Variants in CAMTA1 observed in about 807,000 individuals in gnomAD.
CAMTA1 encodes the protein calmodulin-binding transcription activator 1.
A neutral mutation model predicts 170.9 loss-of-function variants in CAMTA1; 27 were observed. That is an observed-to-expected ratio of 0.16 (90% CI 0.12 to 0.22). The LOEUF (loss-of-function observed/expected upper bound fraction) is 0.22. Among genes scored for constraint, CAMTA1 ranks in the 10% least tolerant of loss-of-function variants. CAMTA1 has a pLI of 1.00. For synonymous variants in CAMTA1, 833 were observed against 891.5 expected (o/e 0.93, Z 1.17); for missense variants, 1,619 against 2,217.2 (o/e 0.73, Z 5.42).
At chr1:7,364,721 T>C (rs2085831270) in intron 5 of CAMTA1, among the ~76,000 whole-genome samples, 4 of 151,844 alleles carry the variant, frequency 2.6e-5, no homozygotes, top group Admixed American at 2.6e-4. Flanking sequence ...TGGGAGAGGG[T>C]ATCCCAGTGT....
At chr1:7,028,192 A>G (rs1321472962) in intron 3 of CAMTA1, among the ~76,000 whole-genome samples, 1 of 152,204 alleles carries the variant, frequency 6.6e-6, no homozygotes, top group Non-Finnish European at 1.5e-5. Flanking sequence ...GGCGTGTGCC[A>G]CTGCCTGAAA....
intron 6 of CAMTA1, among the ~76,000 whole-genome samples, chr1:7,483,586 AG>A (rs1250531214): frequency 2.0e-5 from 3 of 152,316 alleles, no homozygotes; most frequent in South Asian, 2.1e-4. Flanking sequence ...GAACCAGAGC[AG>A]GGGCTGGAGG....
At chr1:7,265,454 C>T (rs1668775330) in intron 5 of CAMTA1, among the ~76,000 whole-genome samples, 1 of 152,086 alleles carries the variant, frequency 6.6e-6, no homozygotes, top group Non-Finnish European at 1.5e-5. Context: ...ACTGGGATTA[C>T]AGGCACCTGC....
intron 3 of CAMTA1, among the ~76,000 whole-genome samples, chr1:6,830,939 C>G (rs1649791896): frequency 6.6e-6 from 1 of 152,098 alleles, no homozygotes; most frequent in African/African-American, 2.4e-5. Context: ...CTGCCTTAGC[C>G]TCCTGAGTAG....
At chr1:7,098,906 A>T (rs1642403768) in intron 4 of CAMTA1, among the ~76,000 whole-genome samples, 1 of 151,392 alleles carries the variant, frequency 6.6e-6, no homozygotes, top group African/African-American at 2.4e-5. Flanking sequence ...CCTCCATCCC[A>T]CCCCTCCTCA....
intron 6 of CAMTA1, among the ~76,000 whole-genome samples, chr1:7,468,480 G>C (rs1216369993): frequency 3.3e-5 from 5 of 152,218 alleles, no homozygotes; most frequent in Non-Finnish European, 5.9e-5. Flanking sequence ...CATGGTGTTT[G>C]TGCACAGCGT....
intron 5 of CAMTA1, among the ~76,000 whole-genome samples, chr1:7,359,848 G>T (rs1386032000): frequency 6.6e-6 from 1 of 152,178 alleles, no homozygotes; most frequent in Non-Finnish European, 1.5e-5. Context: ...GAGCTAGTGG[G>T]TTGGTTTGCT....
intron 5 of CAMTA1, among the ~76,000 whole-genome samples, chr1:7,393,630 G>GTA (rs1171189836): frequency 6.6e-6 from 1 of 152,024 alleles, no homozygotes; most frequent in African/African-American, 2.4e-5. Flanking sequence ...TTTGACACAT[G>GTA]TATACATTGT....
intron 6 of CAMTA1, among the ~76,000 whole-genome samples, chr1:7,637,831 A>G (rs2095725848): frequency 6.6e-6 from 1 of 152,218 alleles, no homozygotes; most frequent in African/African-American, 2.4e-5. Context: ...TAGCAGGGGC[A>G]CCGAATAAGA....
intron 19 of CAMTA1, among the ~76,000 whole-genome samples, chr1:7,750,013 G>A (rs941695670): frequency 2.0e-5 from 3 of 152,178 alleles, no homozygotes; most frequent in African/African-American, 4.8e-5. Context: ...TTTGGCTGGT[G>A]TTAATCCATC....
chr1:7,560,482 A>G (rs139847750), intron 6 of CAMTA1, among the ~76,000 whole-genome samples: 35 of 152,228 alleles, frequency 2.3e-4, no homozygotes, highest in African/African-American at 8.4e-4. Context: ...CTGTGAAATG[A>G]GCCATGTAGA....
At chr1:7,728,363 G>A (rs1252581250) in intron 11 of CAMTA1, among the ~76,000 whole-genome samples, 1 of 152,272 alleles carries the variant, frequency 6.6e-6, no homozygotes, top group Non-Finnish European at 1.5e-5. Context: ...TCCACGGGCA[G>A]CAGGCAGGCT....
intron 6 of CAMTA1, among the ~76,000 whole-genome samples, chr1:7,591,157 C>A (rs2095352843): frequency 6.6e-6 from 1 of 152,204 alleles, no homozygotes; most frequent in African/African-American, 2.4e-5. Context: ...AAACCCTAAC[C>A]CACCATTGAT....
At position 7,664,083 on chromosome 1, in the gene CAMTA1, C is replaced by G. The variant is rs1438894641; in HGVS notation, c.1536C>G (p.Ile512Met). 4.3e-6 allele frequency: 7 copies of G among 1,613,512 alleles called. No homozygotes were observed. Among genetic ancestry groups the G allele is most frequent in the African/African-American group, 1.3e-5 (1 of 74,946 alleles). The stretch of plus-strand genomic sequence containing the variant: ...AAGCCGAGATGGTCAGCTCCAACAT[C>G]CGGCACTCGCCACCCGGGGAGCGGA... ...GLKAEMVSSN[I>M]RHSPPGERSF... is the part of the protein sequence containing the mutation. The change falls in exon 9 of 23, where the codon ATC becomes ATG. Residue 512 changes from isoleucine (I) to methionine (M), a missense_variant. Coordinates refer to ENST00000303635, the MANE Select transcript of CAMTA1 (RefSeq NM_015215.4).
chr1:7,261,877 C>T (rs1219341486), intron 5 of CAMTA1, among the ~76,000 whole-genome samples: 1 of 152,230 alleles, frequency 6.6e-6, no homozygotes, highest in Non-Finnish European at 1.5e-5. Context: ...AAATATCAGA[C>T]AGAGGTTAAA....
At chr1:7,185,976 C>G (rs1042069555) in intron 4 of CAMTA1, among the ~76,000 whole-genome samples, 1 of 152,148 alleles carries the variant, frequency 6.6e-6, no homozygotes, top group Admixed American at 6.5e-5. Flanking sequence ...TTATAGGACG[C>G]TTGGTGAAAT....
intron 5 of CAMTA1, among the ~76,000 whole-genome samples, chr1:7,296,998 T>C (rs190495214): frequency 9.5e-4 from 144 of 152,038 alleles, no homozygotes; most frequent in African/African-American, 2.4e-3. Context: ...AAGGAGGAAA[T>C]GGTTAGCTGT....
At chr1:7,103,935 C>G (rs1172621839) in intron 4 of CAMTA1, among the ~76,000 whole-genome samples, 1 of 145,868 alleles carries the variant, frequency 6.9e-6, no homozygotes, top group African/African-American at 2.6e-5. Context: ...CACAACTACA[C>G]ACATACAGCA....
Position 7,458,944 on chromosome 1 carries a change from G to A in CAMTA1, c.439-8886G>A, listed in dbSNP as rs143487382. On this transcript the variant is annotated intron_variant, in intron 5 of 22. Transcript: ENST00000303635. ...TTCACTATTTAACAAGTTCTGAGGC[G>A]CCATGCTTTTGCAGGCAATATGTGA... Among the ~76,000 whole-genome samples, 1,123 of 152,336 alleles carry A rather than the reference G, an allele frequency of 7.4e-3. 12 individuals are homozygous for A. The highest frequency in any genetic ancestry group is 0.034 in the Middle Eastern group (10 of 294).
Sources: gnomAD v4.1 joint callset for allele counts (sites outside exome capture counted in the v4.1 genomes callset) on GRCh38, gnomAD v4.1.1 for gene constraint, MANE v1.5 for transcripts, NCBI Gene and HGNC (gene_info 2026-07-23, HGNC 2026-07-21) for gene names.